Variants in AVIL observed in about 807,000 individuals in gnomAD.
AVIL encodes the protein advillin.
Under a neutral mutation model 109.9 loss-of-function variants are expected in AVIL, and 78 were observed. The observed-to-expected ratio is 0.71, with a 90% CI of 0.59 to 0.86. AVIL has a LOEUF of 0.86. Ranked by LOEUF, AVIL falls within the 40% of genes least tolerant of loss-of-function variation. The pLI is 0.00. For synonymous variants in AVIL, 367 were observed against 379.1 expected (o/e 0.97, Z 0.37); for missense variants, 892 against 1,016.5 (o/e 0.88, Z 1.67).
chr12:57,815,429 TG>T, intron 2 of AVIL: 1 of 465,120 alleles, frequency 2.1e-6, no homozygotes, highest in Non-Finnish European at 3.4e-6. Flanking sequence ...GGGCAGGGGT[TG>T]GGGGGAATCC....
chr12:57,808,685 CT>C, intron 9 of AVIL, 137 bp from the exon 10 acceptor site: 1 of 1,093,558 alleles, frequency 9.1e-7, no homozygotes, highest in Non-Finnish European at 1.3e-6. Context: ...TTCTAACTCA[CT>C]TTTGTCTAAG....
chr12:57,808,273 A>G lies in AVIL; in HGVS notation c.1115T>C (p.Phe372Ser), dbSNP rs760834592. 2.0e-5 allele frequency: 33 copies of G among 1,614,068 alleles called. No homozygotes were observed. The Admixed American group carries it at 3.2e-4, about 15-fold the overall frequency. The change falls in exon 11 of 20, where the codon TTT (phenylalanine) becomes TCT (serine). Residue 372 changes from phenylalanine (F) to serine (S), a missense_variant. Phe to Ser is a radical substitution (Grantham distance 155). Coordinates refer to ENST00000549994, the MANE Select transcript of AVIL (RefSeq NM_006576.4). Reference protein sequence around the residue: ...GKIAKVFQDKFDVTLLHTKPE... With the variant: ...GKIAKVFQDKSDVTLLHTKPE... ...CTTGGTGTGTAGCAGAGTCACATCA[A>G]ATTTATCCTGGAAAACTTTAGCTGT...
chr12:57,808,239 T>C lies in AVIL; in HGVS notation c.1149A>G (p.Val383=). 1 of 1,614,220 alleles carries C rather than the reference T, an allele frequency of 6.2e-7. No individual in the cohort carries two copies. The highest frequency in any genetic ancestry group is 8.5e-7 in the Non-Finnish European group (1 of 1,180,046). The part of the protein sequence containing the change: ...DVTLLHTKPE[V]AAQERMVDDG... ...CATCGACCATTCTTTCCTGGGCAGC[T>C]ACCTCTGGCTTGGTGTGTAGCAGAG... Residue 383 remains valine, a synonymous_variant, in exon 11 of 20, where the codon GTA becomes GTG. Transcript: ENST00000549994.
At position 57,797,969 on chromosome 12, in the gene AVIL, C is replaced by T. The variant is rs1215106234; in HGVS notation, c.2373G>A (p.Val791=). ...KENYLSEQDF[V]SVFGITRGQF... ...GCCCTCTTGTGATGCCAAACACAGACACAAAGTCCTGTTCAGAGAGGTAAT... is the reference window on the plus strand; with the variant it reads ...GCCCTCTTGTGATGCCAAACACAGATACAAAGTCCTGTTCAGAGAGGTAAT... Residue 791 remains valine, a synonymous_variant, in exon 20 of 20, where the codon GTG becomes GTA. Transcript: ENST00000549994. 5 of 1,612,776 alleles carry T rather than the reference C, an allele frequency of 3.1e-6. No homozygotes were observed.
At chr12:57,799,019 A>G (rs1475360657) in intron 19 of AVIL, among the ~76,000 whole-genome samples, 1 of 152,208 alleles carries the variant, frequency 6.6e-6, no homozygotes, top group Non-Finnish European at 1.5e-5. Context: ...AGCTGAGAAT[A>G]TGATGGTGAG....
chr12:57,810,303 T>TC (rs771424813), intron 7 of AVIL, 46 bp downstream of exon 7: 29 of 1,577,492 alleles, frequency 1.8e-5, no homozygotes, highest in East Asian at 6.7e-5. Flanking sequence ...GGGGACACCT[T>TC]CCCCCCAACC....
rs774041432 is a variant in AVIL at position 57,810,355 on chromosome 12, A to C, written c.755T>G (p.Leu252Trp). 1.2e-6 allele frequency: 2 copies of C among 1,614,180 alleles called. No individual in the cohort carries two copies. The highest frequency in any genetic ancestry group is 8.5e-7 in the Non-Finnish European group (1 of 1,180,026). ...IDQKQKSTIM[L>W]YHISDSAGQL... Reference sequence around the variant, plus strand: ...ACCAGGTTGAGCTACTCACTGATACAACATGATAGTTGATTTCTGCTTCTG... The same window carrying C: ...ACCAGGTTGAGCTACTCACTGATACCACATGATAGTTGATTTCTGCTTCTG... The change falls in exon 7 of 20, where the codon TTG becomes TGG. Residue 252 changes from leucine (L) to tryptophan (W), a missense_variant. Physicochemically the swap from Leu to Trp is moderately conservative, Grantham distance 61. Coordinates refer to ENST00000549994, the MANE Select transcript of AVIL (RefSeq NM_006576.4).
At chr12:57,798,365 C>T (rs1424789115) in intron 19 of AVIL, among the ~76,000 whole-genome samples, 1 of 152,142 alleles carries the variant, frequency 6.6e-6, no homozygotes, top group East Asian at 1.9e-4. Flanking sequence ...CCGTAACTAC[C>T]ATTTTTACCC....
intron 4 of AVIL, among the ~76,000 whole-genome samples, chr12:57,811,558 C>T (rs1956038405): frequency 1.3e-5 from 2 of 152,188 alleles, no homozygotes; most frequent in African/African-American, 4.8e-5. Context: ...GACCACCTAC[C>T]CTAGGAATCA....
rs145143127 is a variant in AVIL at position 57,817,730 on chromosome 12, G to C, written c.-20+899C>G. Among the ~76,000 whole-genome samples the C allele has an allele frequency of 2.8e-3, 427 of 152,234 alleles. 2 individuals are homozygous for C. The highest frequency in any genetic ancestry group is 9.9e-3 in the African/African-American group (410 of 41,542). On this transcript the variant is annotated intron_variant, in intron 1 of 19. Coordinates refer to ENST00000549994, the MANE Select transcript of AVIL (RefSeq NM_006576.4). ...TGAAACCTGTCCCGTTTCCCAGCAG[G>C]AATTTAGGAATCAAGGAGCTCCCTG... is the stretch of plus-strand genomic sequence containing the variant.
Position 57,801,235 on chromosome 12 carries a change from A to G in AVIL, c.2152-23T>C. On this transcript the variant is annotated intron_variant, in intron 17 of 19. Coordinates refer to ENST00000549994, the MANE Select transcript of AVIL (RefSeq NM_006576.4). ...TGCCTGAGAAGAAGAGAGAGAAAAC[A>G]CAGGATGAGGTCTTTCTTATAGGGG... is the stretch of plus-strand genomic sequence containing the variant. 3.1e-6 allele frequency: 5 copies of G among 1,603,736 alleles called. 1 individual carries two copies. The South Asian group carries it at 5.5e-5, about 18-fold the overall frequency.
intron 1 of AVIL, 72 bp downstream of exon 1, chr12:57,818,557 G>C (rs1174630310): frequency 6.6e-6 from 1 of 152,174 alleles, no homozygotes; most frequent in African/African-American, 2.4e-5. Flanking sequence ...GGACTCTCAA[G>C]CTCCTCTTCC....
At chr12:57,813,491 T>G (rs530321620) in intron 3 of AVIL, 68 bp from the exon 4 acceptor site, 2 of 1,472,042 alleles carry the variant, frequency 1.4e-6, no homozygotes, top group South Asian at 2.4e-5. Context: ...GCCCCTGTTA[T>G]GGGGAGAATG....
intron 19 of AVIL, 127 bp from the exon 20 acceptor site, chr12:57,798,122 CAGAA>C (rs1287565777): frequency 4.0e-5 from 21 of 531,036 alleles, no homozygotes; most frequent in African/African-American, 2.9e-4. Context: ...ATGAATTTCT[CAGAA>C]AGGCTGTTAA....
chr12:57,812,118 C>T (rs1047785234), intron 4 of AVIL, among the ~76,000 whole-genome samples: 9 of 152,122 alleles, frequency 5.9e-5, no homozygotes, highest in Non-Finnish European at 1.2e-4. Context: ...ACTGCAGGCT[C>T]GATAATTGAG....
intron 4 of AVIL, among the ~76,000 whole-genome samples, chr12:57,812,469 C>T (rs1956049986): frequency 1.3e-5 from 2 of 152,218 alleles, no homozygotes; most frequent in South Asian, 4.1e-4. Context: ...TCAAATGATT[C>T]TCCTGCCTCA....
At chr12:57,806,262 C>T (rs1433168898) in intron 14 of AVIL, 98 bp downstream of exon 14, 1 of 1,399,508 alleles carries the variant, frequency 7.1e-7, no homozygotes, top group South Asian at 1.2e-5. Context: ...AGCAAGCACT[C>T]CAGCCTACTC....
rs1955812102 is a variant in AVIL, at chr12:57,799,896, G to T, written c.2245C>A (p.Leu749Met). Residue 749 changes from leucine to methionine, a missense_variant, in exon 19 of 20, where the codon CTG becomes ATG. Physicochemically the swap from Leu to Met is conservative, Grantham distance 15 (BLOSUM62 2). Coordinates refer to ENST00000549994, the MANE Select transcript of AVIL (RefSeq NM_006576.4). ...TTTGGCTCACTGTCATTAGAATTCA[G>T]GGAGAGGGTTGCATTCTTCATGTCC... Reference protein sequence around the residue: ...TADMKNATLSLNSNDSEPKYY... With the variant: ...TADMKNATLSMNSNDSEPKYY... 6.2e-7 allele frequency: 1 copy of T among 1,614,150 alleles called. No individual in the cohort carries two copies. Among genetic ancestry groups the T allele is most frequent in the Non-Finnish European group, 8.5e-7 (1 of 1,180,034 alleles).
intron 1 of AVIL, among the ~76,000 whole-genome samples, chr12:57,816,838 G>A (rs777733737): frequency 5.3e-5 from 8 of 151,830 alleles, no homozygotes; most frequent in Non-Finnish European, 1.0e-4. Context: ...CTGGGACAAA[G>A]GGTTCTGGGT....
Sources: allele counts gnomAD v4.1 joint callset (sites outside exome capture counted in the v4.1 genomes callset), GRCh38; gene constraint gnomAD v4.1.1; transcripts MANE v1.5; gene names NCBI Gene and HGNC (gene_info 2026-07-23, HGNC 2026-07-21).